IFT81: variants seen among roughly 807,000 people sequenced by gnomAD.
IFT81 encodes the protein intraflagellar transport 81, also known as intraflagellar transport protein 81 homolog.
A neutral mutation model predicts 102.6 loss-of-function variants in IFT81; 72 were observed. The observed-to-expected ratio is 0.70, with a 90% CI of 0.58 to 0.85. IFT81 has a LOEUF of 0.85. Ranked by LOEUF, IFT81 falls within the 40% of genes least tolerant of loss-of-function variation. The pLI, the probability that IFT81 is intolerant of heterozygous loss-of-function variation, is 0.00. For missense variants in IFT81, 723 were observed against 787.3 expected, an observed-to-expected ratio of 0.92 and a Z score of 0.98; for synonymous variants, 237 against 242.7, an observed-to-expected ratio of 0.98 and a Z score of 0.22.
At chr12:110,216,087 A>G (rs905183434) in intron 18 of IFT81, among the ~76,000 whole-genome samples, 2 of 152,240 alleles carry the variant, frequency 1.3e-5, no homozygotes, top group Non-Finnish European at 2.9e-5. Flanking sequence ...TAATTTATCA[A>G]GTATTTCAAT....
At chr12:110,181,482 C>T (rs1028160397) in intron 12 of IFT81, among the ~76,000 whole-genome samples, 3 of 152,198 alleles carry the variant, frequency 2.0e-5, no homozygotes, top group African/African-American at 7.2e-5. Flanking sequence ...AGAGAGCACA[C>T]TCTGATTTCA....
chr12:110,134,645 A>T (rs958265930), intron 5 of IFT81, among the ~76,000 whole-genome samples: 2 of 152,218 alleles, frequency 1.3e-5, no homozygotes, highest in African/African-American at 4.8e-5. Flanking sequence ...AAAATTTTTC[A>T]AAAATCATGT....
chr12:110,177,257 A>C (rs1172843525), intron 11 of IFT81, among the ~76,000 whole-genome samples: 7 of 152,032 alleles, frequency 4.6e-5, no homozygotes, highest in Admixed American at 4.6e-4. Context: ...CAGTTCTTTC[A>C]AAGTTTGTTT....
At chr12:110,217,540 G>GT (rs569372471) in intron 18 of IFT81, among the ~76,000 whole-genome samples, 21 of 151,520 alleles carry the variant, frequency 1.4e-4, no homozygotes, top group Non-Finnish European at 2.8e-4. Flanking sequence ...GTTTTGTGTA[G>GT]TTTTTTTTGT....
intron 10 of IFT81, among the ~76,000 whole-genome samples, chr12:110,157,715 A>T (rs954802371): frequency 2.0e-5 from 3 of 152,186 alleles, no homozygotes; most frequent in Middle Eastern, 3.4e-3. Context: ...ACTTTTCTTC[A>T]ATATTTTTCT....
intron 10 of IFT81, among the ~76,000 whole-genome samples, chr12:110,148,952 ATTTTTTGTTG>A (rs1006597648): frequency 3.3e-5 from 5 of 152,032 alleles, no homozygotes; most frequent in Admixed American, 2.0e-4. Context: ...AATTAGGGCT[ATTTTTTGTTG>A]TTTTTTGTTT....
chr12:110,128,147 T>TA lies in IFT81; in HGVS notation c.247dup (p.Met83AsnfsTer13). On this transcript the variant is annotated frameshift_variant and splice_region_variant, in exon 3 of 19. Coordinates refer to ENST00000242591, the MANE Select transcript of IFT81 (RefSeq NM_014055.4). LOFTEE classifies it high-confidence loss of function. Reference sequence around the variant, plus strand: ...ACAAACCTTCAGGAAATGCCACAGATATGTAAGAATCTGATCACGTATTGA... The same window carrying TA: ...ACAAACCTTCAGGAAATGCCACAGATAATGTAAGAATCTGATCACGTATTGA... The TA allele has an allele frequency of 6.3e-7, 1 of 1,586,662 alleles. No individual in the cohort carries two copies. Among genetic ancestry groups the TA allele is most frequent in the Non-Finnish European group, 8.7e-7 (1 of 1,155,124 alleles).
chr12:110,159,679 A>G (rs1896036032), intron 10 of IFT81, among the ~76,000 whole-genome samples: 2 of 152,174 alleles, frequency 1.3e-5, no homozygotes, highest in African/African-American at 4.8e-5. Context: ...ACTTGCAATA[A>G]TGGTGGAAGA....
chr12:110,169,065 CT>C (rs1896605264), intron 11 of IFT81: 1 of 148,068 alleles, frequency 6.8e-6, no homozygotes, highest in Non-Finnish European at 1.5e-5. Context: ...TCCTTCCTTC[CT>C]TCCTTCCTTC....
At chr12:110,165,719 T>TG (rs1189546551) in intron 11 of IFT81, among the ~76,000 whole-genome samples, 2 of 152,176 alleles carry the variant, frequency 1.3e-5, no homozygotes, top group African/African-American at 4.8e-5. Flanking sequence ...AGCTAGTAAG[T>TG]GGCCAAGCTA....
intron 9 of IFT81, among the ~76,000 whole-genome samples, chr12:110,145,512 C>T (rs1895171582): frequency 6.7e-6 from 1 of 150,222 alleles, no homozygotes; most frequent in Non-Finnish European, 1.5e-5. Flanking sequence ...GATCCCGGCT[C>T]ACTGCAACCT....
At chr12:110,136,537 C>T (rs926296396) in intron 7 of IFT81, among the ~76,000 whole-genome samples, 7 of 152,032 alleles carry the variant, frequency 4.6e-5, no homozygotes, top group African/African-American at 1.2e-4. Flanking sequence ...TTCCTTAAAC[C>T]GCAAATTCAG....
chr12:110,198,719 G>A (rs1181553709), intron 14 of IFT81, among the ~76,000 whole-genome samples: 2 of 151,462 alleles, frequency 1.3e-5, no homozygotes, highest in Admixed American at 1.3e-4. Context: ...TTCCTCAGAG[G>A]TGTCTAATAT....
At chr12:110,174,234 C>G (rs1351368314) in intron 11 of IFT81, among the ~76,000 whole-genome samples, 2 of 141,082 alleles carry the variant, frequency 1.4e-5, no homozygotes, top group Non-Finnish European at 3.0e-5. Context: ...GCCAAGATCG[C>G]GCCACTGCAC....
chr12:110,207,872 G>A (rs1443474095), intron 17 of IFT81, among the ~76,000 whole-genome samples: 2 of 151,820 alleles, frequency 1.3e-5, no homozygotes, highest in Non-Finnish European at 2.9e-5. Flanking sequence ...CTCACATTTT[G>A]TCTTAAATAG....
chr12:110,177,817 G>A (rs1000476856), intron 11 of IFT81, among the ~76,000 whole-genome samples: 7 of 152,052 alleles, frequency 4.6e-5, no homozygotes, highest in African/African-American at 1.4e-4. Context: ...AGGAAAAGCC[G>A]GGCGCAGTGG....
At chr12:110,167,923 C>G (rs1376141474) in intron 11 of IFT81, 2 of 240,086 alleles carry the variant, frequency 8.3e-6, no homozygotes, top group East Asian at 3.0e-4. Flanking sequence ...GTGATCATGG[C>G]TTACTGCAGC....
At chr12:110,126,744 G>T (rs1391971756) in intron 1 of IFT81, among the ~76,000 whole-genome samples, 7 of 152,164 alleles carry the variant, frequency 4.6e-5, no homozygotes, top group African/African-American at 1.7e-4. Context: ...AGAACAAGAG[G>T]CTGTGGCCTC....
At chr12:110,190,805 T>G in intron 12 of IFT81, 115 bp from the exon 13 acceptor site, 1 of 923,770 alleles carries the variant, frequency 1.1e-6, no homozygotes, top group Admixed American at 3.7e-5. Flanking sequence ...CCTTTAGGAT[T>G]CTAAACTAAT....
Sources: gnomAD v4.1 joint callset for allele counts (sites outside exome capture counted in the v4.1 genomes callset) on GRCh38, gnomAD v4.1.1 for gene constraint, MANE v1.5 for transcripts, NCBI Gene and HGNC (gene_info 2026-07-23, HGNC 2026-07-21) for gene names.